The following SUCLG2 variants were observed in gnomAD, a reference collection of about 807,000 sequenced individuals.
The protein encoded by SUCLG2 is succinate-CoA ligase GDP-forming subunit beta.
Under a neutral mutation model 47.9 loss-of-function variants are expected in SUCLG2, and 42 were observed. That is an observed-to-expected ratio of 0.88 (90% CI 0.69 to 1.14). The LOEUF is 1.14. SUCLG2 is among the 50% of genes most tolerant of loss of function. SUCLG2 has a pLI of 0.00. For synonymous variants in SUCLG2, 195 were observed against 197.3 expected (o/e 0.99, Z 0.10); for missense variants, 571 against 525.9 (o/e 1.09, Z -0.84).
At chr3:67,499,329 GA>G (rs756632758) in intron 7 of SUCLG2, among the ~76,000 whole-genome samples, 31 of 152,004 alleles carry the variant, frequency 2.0e-4, no homozygotes, top group Admixed American at 2.6e-4. Flanking sequence ...TTTTTAATTG[GA>G]AAAAATGGCA....
intron 6 of SUCLG2, among the ~76,000 whole-genome samples, chr3:67,513,571 T>C (rs749192872): frequency 5.3e-5 from 8 of 152,216 alleles, no homozygotes; most frequent in Non-Finnish European, 1.0e-4. Flanking sequence ...ACAGAATGTG[T>C]GTGACCAGGT....
At chr3:67,481,693 A>T (rs557494256) in intron 9 of SUCLG2, among the ~76,000 whole-genome samples, 1 of 152,202 alleles carries the variant, frequency 6.6e-6, no homozygotes, top group Non-Finnish European at 1.5e-5. Context: ...CTGGGTTTTT[A>T]TTGAGCCTTA....
At chr3:67,407,821 A>G (rs1470093464) in intron 9 of SUCLG2, among the ~76,000 whole-genome samples, 4 of 152,192 alleles carry the variant, frequency 2.6e-5, no homozygotes, top group Non-Finnish European at 5.9e-5. Flanking sequence ...CTCTTGTTTA[A>G]GCATCTGTTT....
chr3:67,488,525 T>C lies in SUCLG2; in HGVS notation c.1062+7273A>G, dbSNP rs570169078. On this transcript the variant is annotated intron_variant, in intron 9 of 10. Coordinates refer to ENST00000307227, the MANE Select transcript of SUCLG2 (RefSeq NM_003848.4). The stretch of plus-strand genomic sequence containing the variant: ...TTCTGAATGATTTTCCTAAGTTCAC[T>C]ACCCACATCTAATGATGCCTTTACC... 8.5e-5 allele frequency among the ~76,000 whole-genome samples: 13 copies of C among 152,348 alleles called. No individual in the cohort carries two copies. In the South Asian group the frequency reaches 1.7e-3, roughly 19 times the overall value.
chr3:67,557,033 A>G (rs980997231), intron 2 of SUCLG2, among the ~76,000 whole-genome samples: 1 of 152,198 alleles, frequency 6.6e-6, no homozygotes, highest in South Asian at 2.1e-4. Context: ...GCACAAGACC[A>G]CCTGTCGCTA....
chr3:67,625,146 T>C (rs1575825847), intron 1 of SUCLG2, among the ~76,000 whole-genome samples: 1 of 152,198 alleles, frequency 6.6e-6, no homozygotes, highest in East Asian at 1.9e-4. Flanking sequence ...AAACTAGAAG[T>C]GAAGAGAGAA....
chr3:67,504,678 C>T (rs1285257090), intron 7 of SUCLG2, among the ~76,000 whole-genome samples: 1 of 152,110 alleles, frequency 6.6e-6, no homozygotes, highest in Non-Finnish European at 1.5e-5. Flanking sequence ...GTTGTGATGA[C>T]TAAAAATGTT....
At chr3:67,398,963 T>G (rs536097207) in intron 10 of SUCLG2, among the ~76,000 whole-genome samples, 1 of 136,342 alleles carries the variant, frequency 7.3e-6, no homozygotes, top group African/African-American at 2.8e-5. Context: ...TAGGTGGGAA[T>G]TGAACAATCA....
intron 10 of SUCLG2, among the ~76,000 whole-genome samples, chr3:67,363,331 T>C (rs992244323): frequency 6.6e-6 from 1 of 152,198 alleles, no homozygotes; most frequent in African/African-American, 2.4e-5. Context: ...GAAATGTTTA[T>C]TCTCAAATTG....
At chr3:67,589,623 G>A (rs60923125) in intron 2 of SUCLG2, among the ~76,000 whole-genome samples, 69,043 of 152,102 alleles carry the variant, frequency 0.45, 16,776 homozygotes, top group Admixed American at 0.55. Flanking sequence ...GAAGTCTACC[G>A]AAATGGCCCA....
intron 9 of SUCLG2, among the ~76,000 whole-genome samples, chr3:67,450,070 C>G (rs1704020579): frequency 6.6e-6 from 1 of 151,914 alleles, no homozygotes; most frequent in Non-Finnish European, 1.5e-5. Flanking sequence ...GAGACAGGGT[C>G]TTGCTCTGTT....
chr3:67,474,675 T>C (rs1704700124), intron 9 of SUCLG2, among the ~76,000 whole-genome samples: 2 of 152,242 alleles, frequency 1.3e-5, no homozygotes, highest in South Asian at 4.1e-4. Flanking sequence ...ACACACACTT[T>C]ACTGGCTGAA....
At chr3:67,369,915 G>A (rs1701928943), downstream of SUCLG2, among the ~76,000 whole-genome samples, 1 of 152,064 alleles carries the variant, frequency 6.6e-6, no homozygotes, top group Admixed American at 6.6e-5. Context: ...CTCCAGAAAC[G>A]TTATACTGAT....
intron 4 of SUCLG2, among the ~76,000 whole-genome samples, chr3:67,522,733 G>A (rs1208832646): frequency 1.3e-5 from 2 of 148,638 alleles, no homozygotes; most frequent in Admixed American, 6.8e-5. Context: ...GCGCGATCTC[G>A]GCTCACTGCA....
At chr3:67,520,100 A>T (rs1456624824) in intron 5 of SUCLG2, among the ~76,000 whole-genome samples, 1 of 152,218 alleles carries the variant, frequency 6.6e-6, no homozygotes, top group African/African-American at 2.4e-5. Context: ...GAATTCATTC[A>T]TCTCCTAGGA....
At chr3:67,618,842 G>C (rs1700678417) in intron 1 of SUCLG2, among the ~76,000 whole-genome samples, 4 of 152,150 alleles carry the variant, frequency 2.6e-5, no homozygotes, top group South Asian at 4.1e-4. Flanking sequence ...AACTTAATTA[G>C]AGTGGATAGC....
intron 9 of SUCLG2, among the ~76,000 whole-genome samples, chr3:67,436,067 G>A (rs4856864): frequency 0.48 from 73,559 of 151,976 alleles, 18,214 homozygotes; most frequent in Non-Finnish European, 0.54. Flanking sequence ...AAAATTAAGG[G>A]CAAACATTAG....
At chr3:67,536,897 T>G (rs1706559479) in intron 2 of SUCLG2, among the ~76,000 whole-genome samples, 1 of 152,318 alleles carries the variant, frequency 6.6e-6, no homozygotes, top group Admixed American at 6.5e-5. Flanking sequence ...ACTAAAGATT[T>G]TCATTGCAAT....
At chr3:67,611,940 C>T (rs17046744) in intron 1 of SUCLG2, among the ~76,000 whole-genome samples, 2,118 of 152,218 alleles carry the variant, frequency 0.014, 50 homozygotes, top group African/African-American at 0.049. Context: ...TGATGACACC[C>T]GGCTATCACT....
Sources: allele counts gnomAD v4.1 joint callset (sites outside exome capture counted in the v4.1 genomes callset), GRCh38; gene constraint gnomAD v4.1.1; transcripts MANE v1.5; gene names NCBI Gene and HGNC (gene_info 2026-07-23, HGNC 2026-07-21).